Variants in CD47 observed in about 807,000 individuals in gnomAD.
CD47 encodes leukocyte surface antigen CD47.
CD47 carries 11 observed loss-of-function variants against 44.6 expected under a neutral mutation model. The ratio of observed to expected loss-of-function variants is 0.25; its 90% CI spans 0.16 to 0.41. The LOEUF is 0.41. Ranked by LOEUF, CD47 falls within the 10% of genes least tolerant of loss-of-function variation. The pLI, the probability that CD47 is intolerant of heterozygous loss-of-function variation, is 1.00. For synonymous variants in CD47, 140 were observed against 136.3 expected, an observed-to-expected ratio of 1.03 and a Z score of -0.19; for missense variants, 306 against 386.7, an observed-to-expected ratio of 0.79 and a Z score of 1.75.
intron 3 of CD47, among the ~76,000 whole-genome samples, chr3:108,065,368 T>A (rs1011789099): frequency 6.6e-6 from 1 of 152,216 alleles, no homozygotes; most frequent in Non-Finnish European, 1.5e-5. Context: ...TCAAGGGATT[T>A]CTACAAAAGA....
intron 3 of CD47, among the ~76,000 whole-genome samples, chr3:108,064,590 A>AC (rs1490634092): frequency 6.6e-6 from 1 of 152,098 alleles, no homozygotes; most frequent in African/African-American, 2.4e-5. Flanking sequence ...TTTCCATGAC[A>AC]CCCCAAAGAC....
In CD47 at chr3:108,090,982, A is replaced by G; in HGVS notation, c.-74T>C. On this transcript the variant is annotated 5_prime_UTR_variant, in exon 1 of 11. Coordinates refer to ENST00000361309, the MANE Select transcript of CD47 (RefSeq NM_001777.4). Reference sequence around the variant, plus strand: ...AGCAGCCGCCGCCGCCGTTACAGGCAGGACCGACCGCCGCCGCGCGTCACA... The same window carrying G: ...AGCAGCCGCCGCCGCCGTTACAGGCGGGACCGACCGCCGCCGCGCGTCACA... 9.1e-7 allele frequency: 1 copy of G among 1,103,898 alleles called. No individual in the cohort carries two copies. The highest frequency in any genetic ancestry group is 1.2e-6 in the Non-Finnish European group (1 of 835,042). The allele number at this position is 1,103,898 out of a possible 1,614,324, so 68.4% of individuals were successfully genotyped here.
At chr3:108,085,170 G>C (rs988167505) in intron 1 of CD47, among the ~76,000 whole-genome samples, 19 of 151,984 alleles carry the variant, frequency 1.3e-4, no homozygotes, top group Admixed American at 5.2e-4. Flanking sequence ...CTATGCAAAT[G>C]CACTCTCATC....
rs940389603 is a variant in CD47, at chr3:108,056,652, T to A, written c.877+825A>T. The stretch of plus-strand genomic sequence containing the variant: ...TTATTTCATAAAAATATAATTTTTT[T>A]AAAAAACGGAAACTAATATAAATTA... On this transcript the variant is annotated intron_variant, in intron 7 of 10. Transcript: ENST00000361309. Among the ~76,000 whole-genome samples the A allele has an allele frequency of 3.9e-5, 6 of 152,116 alleles. No individual in the cohort carries two copies. The South Asian group carries it at 6.2e-4, about 16-fold the overall frequency.
At position 108,043,871 on chromosome 3, in the gene CD47, A is replaced by C. The variant is rs11715122; in HGVS notation, c.*3417T>G. 12,045 of 152,668 alleles carry C rather than the reference A, an allele frequency of 0.079. 1,170 individuals carry two copies. The highest frequency in any genetic ancestry group is 0.51 in the East Asian group (2,629 of 5,166). 9.5% of individuals were successfully genotyped at this position (152,668 alleles called of 1,614,324 possible). ...AGGCAGAAAAACTGCCTGGTCACTC[A>C]CTGCTCATCTCTTCAAAGTTACCTG... On this transcript the variant is annotated 3_prime_UTR_variant, in exon 11 of 11. Transcript: ENST00000361309.
At chr3:108,053,484 T>G (rs960741275) in intron 7 of CD47, 1 of 152,208 alleles carries the variant, frequency 6.6e-6, no homozygotes. Context: ...TGAGAAGGCA[T>G]GAATAGGATA....
Position 108,059,796 on chromosome 3 carries a change from A to G in CD47, c.599-252T>C, listed in dbSNP as rs76923990. ...AACTAGTTTACAGAATTCCAGTGAG[A>G]AACTGTGTATTCATCTTTTACTGTT... is the stretch of plus-strand genomic sequence containing the variant. On this transcript the variant is annotated intron_variant, in intron 4 of 10. Coordinates refer to ENST00000361309, the MANE Select transcript of CD47 (RefSeq NM_001777.4). Among the ~76,000 whole-genome samples, 703 of 152,306 alleles carry G rather than the reference A, an allele frequency of 4.6e-3. 8 individuals carry two copies. The highest frequency in any genetic ancestry group is 0.016 in the African/African-American group (668 of 41,556).
chr3:108,054,582 C>A (rs1176644798), intron 7 of CD47: 1 of 152,180 alleles, frequency 6.6e-6, no homozygotes, highest in Non-Finnish European at 1.5e-5. Flanking sequence ...CTTAAGCATT[C>A]CATATGAGCA....
chr3:108,090,486 G>A (rs3804642), intron 1 of CD47, among the ~76,000 whole-genome samples: 4 of 152,244 alleles, frequency 2.6e-5, no homozygotes, highest in African/African-American at 9.6e-5. Flanking sequence ...AGAGGGGTGC[G>A]AAAGAAGGGG....
At chr3:108,068,347 C>A (rs530341012) in intron 3 of CD47, among the ~76,000 whole-genome samples, 17 of 152,180 alleles carry the variant, frequency 1.1e-4, no homozygotes, top group Admixed American at 3.3e-4. Flanking sequence ...TGCTACAAAA[C>A]CAGGGCAATA....
At position 108,059,485 on chromosome 3, in the gene CD47, A is replaced by G; in HGVS notation, c.658T>C (p.Leu220=). 6.6e-7 allele frequency: 1 copy of G among 1,523,542 alleles called. No homozygotes were observed. Among genetic ancestry groups the G allele is most frequent in the Non-Finnish European group, 8.9e-7 (1 of 1,125,714 alleles). 94.4% of individuals were successfully genotyped at this position (1,523,542 alleles called of 1,614,324 possible). The change falls in exon 5 of 11, where the codon TTA becomes CTA. Residue 220 remains leucine, a synonymous_variant. Transcript: ENST00000361309. The stretch of plus-strand genomic sequence containing the variant: ...AACACATAGTAGTGAAGTAATATTA[A>G]TATCCCTGTAGAAGTCACAATTAAA... ...LGLIVTSTGI[L]ILLHYYVFST... is the part of the protein sequence containing the mutation.
At chr3:108,074,198 A>G (rs927207132) in intron 2 of CD47, among the ~76,000 whole-genome samples, 1 of 152,242 alleles carries the variant, frequency 6.6e-6, no homozygotes, top group African/African-American at 2.4e-5. Flanking sequence ...AAATTAGATG[A>G]TGAGATAGAC....
intron 3 of CD47, among the ~76,000 whole-genome samples, chr3:108,064,749 G>A (rs1015763990): frequency 3.3e-5 from 5 of 152,124 alleles, no homozygotes; most frequent in African/African-American, 1.2e-4. Flanking sequence ...AGGCTGATGC[G>A]TATCAGACTA....
chr3:108,048,286 C>G (rs547197689), intron 10 of CD47, among the ~76,000 whole-genome samples: 1 of 148,142 alleles, frequency 6.8e-6, no homozygotes, highest in Non-Finnish European at 1.5e-5. Context: ...GGCTGTGACA[C>G]AAACATACAA....
At chr3:108,071,023 G>A (rs1396599869) in intron 3 of CD47, 70 bp downstream of exon 3, 9 of 665,994 alleles carry the variant, frequency 1.4e-5, no homozygotes, top group African/African-American at 9.3e-5. Context: ...TAAATATTTC[G>A]CTGACAATGT....
chr3:108,050,469 G>T, intron 9 of CD47, 109 bp downstream of exon 9: 1 of 664,804 alleles, frequency 1.5e-6, no homozygotes, highest in South Asian at 1.8e-5. Flanking sequence ...GAAAAAAAGA[G>T]GAAAAAAACC....
At chr3:108,057,853 T>C (rs1417030423) in intron 6 of CD47, among the ~76,000 whole-genome samples, 1 of 152,114 alleles carries the variant, frequency 6.6e-6, no homozygotes, top group Admixed American at 6.5e-5. Context: ...CTTCCACAAA[T>C]ACAGGCATAT....
intron 7 of CD47, chr3:108,052,733 T>C (rs1461715416): frequency 6.6e-6 from 1 of 152,330 alleles, no homozygotes; most frequent in African/African-American, 2.4e-5. Flanking sequence ...GGCAAATAGA[T>C]TGCTTGAGCT....
intron 2 of CD47, among the ~76,000 whole-genome samples, chr3:108,074,748 G>C (rs2079276483): frequency 6.6e-6 from 1 of 151,346 alleles, no homozygotes; most frequent in Admixed American, 6.6e-5. Flanking sequence ...GGGCATCCAG[G>C]ATTCTCTCAG....
Sources: gnomAD v4.1 joint callset for allele counts (sites outside exome capture counted in the v4.1 genomes callset) on GRCh38, gnomAD v4.1.1 for gene constraint, MANE v1.5 for transcripts, NCBI Gene and HGNC (gene_info 2026-07-23, HGNC 2026-07-21) for gene names.